CAPN2: variants seen among roughly 807,000 people sequenced by gnomAD.
CAPN2 encodes the protein calpain-2 catalytic subunit.
Under a neutral mutation model 102.3 loss-of-function variants are expected in CAPN2, and 92 were observed. The observed-to-expected ratio is 0.90, with a 90% CI of 0.76 to 1.07. The LOEUF (loss-of-function observed/expected upper bound fraction) is 1.07, where lower values mean the gene tolerates loss of function less well. Ranked by LOEUF, CAPN2 falls within the 50% of genes least tolerant of loss-of-function variation. The probability of loss-of-function intolerance (pLI) is 0.00; values close to 1 mark genes in which losing one functional copy is unlikely to be tolerated. For missense variants in CAPN2, 800 were observed against 909.4 expected (o/e 0.88, Z 1.55); for synonymous variants, 340 against 355.4 (o/e 0.96, Z 0.49).
intron 2 of CAPN2, among the ~76,000 whole-genome samples, chr1:223,724,640 G>A (rs1235148053): frequency 6.6e-6 from 1 of 152,190 alleles, no homozygotes; most frequent in East Asian, 1.9e-4. Flanking sequence ...CTCCAAAGCG[G>A]GATAGTATTC....
chr1:223,715,452 G>C (rs1470997231), intron 1 of CAPN2, among the ~76,000 whole-genome samples: 2 of 152,136 alleles, frequency 1.3e-5, no homozygotes, highest in African/African-American at 4.8e-5. Flanking sequence ...CAGGGAGGGG[G>C]CAGTGAAACA....
At chr1:223,750,304 A>G (rs1195777405) in intron 6 of CAPN2, among the ~76,000 whole-genome samples, 2 of 152,202 alleles carry the variant, frequency 1.3e-5, no homozygotes, top group Non-Finnish European at 2.9e-5. Flanking sequence ...TGCAGACGTT[A>G]TGACACTTCC....
chr1:223,729,869 G>A (rs962059052), intron 2 of CAPN2, among the ~76,000 whole-genome samples: 23 of 151,946 alleles, frequency 1.5e-4, no homozygotes, highest in Admixed American at 1.1e-3. Context: ...TGGGCATGGC[G>A]GTGTATGCCT....
chr1:223,749,148 G>C (rs772648739), intron 6 of CAPN2, 26 bp downstream of exon 6: 11 of 1,597,344 alleles, frequency 6.9e-6, no homozygotes, highest in Middle Eastern at 3.3e-4. Flanking sequence ...GATGTGCAGG[G>C]GTCCTGCTGT....
intron 11 of CAPN2, chr1:223,758,689 C>CTTTTTTTT (rs1553255729): frequency 6.8e-6 from 1 of 146,728 alleles, no homozygotes; most frequent in African/African-American, 2.7e-5. Context: ...AGAAAGTTTG[C>CTTTTTTTT]TTTTTGTTTT....
chr1:223,737,707 C>CG (rs1257475756), intron 2 of CAPN2, among the ~76,000 whole-genome samples: 2 of 58,754 alleles, frequency 3.4e-5, no homozygotes, highest in African/African-American at 1.3e-4. Context: ...AGAGACGGGG[C>CG]GGGGGGTGGG....
chr1:223,747,315 C>A, intron 5 of CAPN2, 150 bp downstream of exon 5: 1 of 651,378 alleles, frequency 1.5e-6, no homozygotes, highest in East Asian at 2.8e-5. Flanking sequence ...CCTCCACCCT[C>A]TGAAGGTCCG....
intron 1 of CAPN2, among the ~76,000 whole-genome samples, chr1:223,713,196 G>A (rs1659788852): frequency 6.6e-6 from 1 of 152,092 alleles, no homozygotes; most frequent in African/African-American, 2.4e-5. Flanking sequence ...AGGAGGCCGG[G>A]GTGAAACTTT....
rs536874734 is a variant in CAPN2 at position 223,744,870 on chromosome 1, C to T, written c.427-436C>T. ...CAGCTGGGGCAACATGCTGAAACTC[C>T]GTCTCTACTAAAAACACAAAAAAAA... On this transcript the variant is annotated intron_variant, in intron 3 of 20. Coordinates refer to ENST00000295006, the MANE Select transcript of CAPN2 (RefSeq NM_001748.5). Among the ~76,000 whole-genome samples the T allele has an allele frequency of 7.1e-4, 104 of 146,510 alleles. 1 individual carries two copies. The highest frequency in any genetic ancestry group is 1.1e-3 in the Non-Finnish European group (78 of 67,870).
intron 2 of CAPN2, among the ~76,000 whole-genome samples, chr1:223,742,700 T>C (rs1660655217): frequency 6.6e-6 from 1 of 151,832 alleles, no homozygotes. Context: ...TTGTATTTTT[T>C]TGTCGAGACA....
chr1:223,753,443 C>T (rs1660956365), intron 9 of CAPN2, among the ~76,000 whole-genome samples: 1 of 152,252 alleles, frequency 6.6e-6, no homozygotes, highest in Admixed American at 6.5e-5. Context: ...GTTGACTGGG[C>T]GCTGCCCAGA....
chr1:223,759,228 C>T lies in CAPN2; in HGVS notation c.1318-42C>T, dbSNP rs372791819. 28 of 1,369,932 alleles carry T rather than the reference C, an allele frequency of 2.0e-5. No homozygotes were observed. Among genetic ancestry groups the T allele is most frequent in the Non-Finnish European group, 2.8e-5 (27 of 957,472 alleles). The allele number at this position is 1,369,932 out of a possible 1,614,324, so 84.9% of individuals were successfully genotyped here. Reference sequence around the variant, plus strand: ...AATGAAAATGATACTTGCCTGGAGGCTTCCCCTCATCTACCCCCATGTTTC... The same window carrying T: ...AATGAAAATGATACTTGCCTGGAGGTTTCCCCTCATCTACCCCCATGTTTC... On this transcript the variant is annotated intron_variant, in intron 11 of 20. Coordinates refer to ENST00000295006, the MANE Select transcript of CAPN2 (RefSeq NM_001748.5). The surrounding 1 kb of genome is among the most constrained non-coding windows in gnomAD (Gnocchi z 4.6).
upstream of CAPN2, among the ~76,000 whole-genome samples, chr1:223,712,152 G>A (rs1659745305): frequency 6.6e-6 from 1 of 152,206 alleles, no homozygotes; most frequent in Non-Finnish European, 1.5e-5. Context: ...CCGTTAAGAC[G>A]CTGTTTGGCA....
At chr1:223,748,692 C>T (rs953883374) in intron 5 of CAPN2, among the ~76,000 whole-genome samples, 17 of 149,256 alleles carry the variant, frequency 1.1e-4, no homozygotes, top group Non-Finnish European at 2.4e-4. Context: ...CCTTTCCCTG[C>T]GCCATCGAGG....
rs1199276656 is a variant in CAPN2 at position 223,712,744 on chromosome 1, T to C, written c.104T>C (p.Leu35Pro). The C allele has an allele frequency of 6.3e-7, 1 of 1,586,954 alleles. No individual in the cohort carries two copies. The highest frequency in any genetic ancestry group is 8.6e-7 in the Non-Finnish European group (1 of 1,168,704). Residue 35 changes from leucine (L) to proline (P), a missense_variant, in exon 1 of 21, where the codon CTG becomes CCG. Physicochemically the swap from Leu to Pro is moderately conservative, Grantham distance 98 (BLOSUM62 -3). Coordinates refer to ENST00000295006, the MANE Select transcript of CAPN2 (RefSeq NM_001748.5). ...IKYLNQDYEA[L>P]RNECLEAGTL... ...TACCTCAACCAGGACTACGAGGCGC[T>C]GCGGAACGAGTGCCTGGAGGCCGGG...
chr1:223,756,780 G>C lies in CAPN2; in HGVS notation c.1306-589G>C, dbSNP rs948504585. Among the ~76,000 whole-genome samples, 1 of 152,224 alleles carries C rather than the reference G, an allele frequency of 6.6e-6. No individual in the cohort carries two copies. Among genetic ancestry groups the C allele is most frequent in the Non-Finnish European group, 1.5e-5 (1 of 68,048 alleles). On this transcript the variant is annotated intron_variant, in intron 10 of 20. Coordinates refer to ENST00000295006, the MANE Select transcript of CAPN2 (RefSeq NM_001748.5). This position sits in a 1 kb window ranked among gnomAD's most constrained non-coding sequence, Gnocchi z 4.1. ...CAGGAGCTGAGGACTTCGGATCTGG[G>C]ACAGAATCGATCCAAGGACAATGCA...
chr1:223,770,642 T>C (rs920852380), intron 18 of CAPN2, 117 bp downstream of exon 18: 8 of 676,846 alleles, frequency 1.2e-5, no homozygotes, highest in Non-Finnish European at 2.0e-5. Context: ...AAGTAGGTGC[T>C]GGTTTAATAC....
In CAPN2 at chr1:223,729,731, G is replaced by A. The variant is rs552315867; in HGVS notation, c.307+11900G>A. 4.7e-4 allele frequency among the ~76,000 whole-genome samples: 71 copies of A among 152,210 alleles called. No homozygotes were observed. The South Asian group carries it at 0.013, about 28-fold the overall frequency. On this transcript the variant is annotated intron_variant, in intron 2 of 20. Coordinates refer to ENST00000295006, the MANE Select transcript of CAPN2 (RefSeq NM_001748.5). ...AAGACCTGGAATCAAGGCCGGGTGC[G>A]GTGGCTCACACCTGTAATTCCAGCA...
chr1:223,750,930 G>C lies in CAPN2; in HGVS notation c.854G>C (p.Arg285Pro). The stretch of plus-strand genomic sequence containing the variant: ...AGCCTACAGAAACTGATCCGCATCC[G>C]AAATCCCTGGGGAGAAGTGGAGTGG... The part of the protein sequence containing the change: ...NGSLQKLIRI[R>P]NPWGEVEWTG... The change falls in exon 7 of 21, where the codon CGA becomes CCA. Residue 285 changes from arginine (R) to proline (P), a missense_variant. Physicochemically the swap from Arg to Pro is moderately radical, Grantham distance 103 (BLOSUM62 -2). Coordinates refer to ENST00000295006, the MANE Select transcript of CAPN2 (RefSeq NM_001748.5). The C allele has an allele frequency of 6.4e-7, 1 of 1,552,682 alleles. No homozygotes were observed. Among genetic ancestry groups the C allele is most frequent in the Non-Finnish European group, 8.7e-7 (1 of 1,147,396 alleles).
Sources: allele counts gnomAD v4.1 joint callset (sites outside exome capture counted in the v4.1 genomes callset), GRCh38; gene constraint gnomAD v4.1.1; non-coding constraint Gnocchi (gnomAD v3.1); transcripts MANE v1.5; gene names NCBI Gene and HGNC (gene_info 2026-07-23, HGNC 2026-07-21).